PKHD1L1: variants seen among roughly 807,000 people sequenced by gnomAD.
The protein encoded by PKHD1L1 is fibrocystin-L.
Under a neutral mutation model 462.9 loss-of-function variants are expected in PKHD1L1, and 434 were observed. The observed-to-expected ratio is 0.94, with a 90% confidence interval of 0.87 to 1.02. The LOEUF (loss-of-function observed/expected upper bound fraction) is 1.02, where lower values mean the gene tolerates loss of function less well. PKHD1L1 is among the 50% of genes least tolerant of loss of function. The probability of loss-of-function intolerance (pLI) is 0.00; values close to 1 mark genes in which losing one functional copy is unlikely to be tolerated. For missense variants in PKHD1L1, 5,202 were observed against 5,096.1 expected (o/e 1.02, Z -0.63); for synonymous variants, 1,781 against 1,750.0 (o/e 1.02, Z -0.44).
At chr8:109,430,174 T>G (rs909935540) in intron 27 of PKHD1L1, 137 bp downstream of exon 27, 3 of 482,818 alleles carry the variant, frequency 6.2e-6, no homozygotes, top group Non-Finnish European at 1.1e-5. Context: ...TTGTGAAAAT[T>G]AAAAACCCTA....
chr8:109,459,950 A>T (rs531969411), intron 47 of PKHD1L1, 114 bp downstream of exon 47: 1 of 841,540 alleles, frequency 1.2e-6, no homozygotes, highest in Non-Finnish European at 1.6e-6. Flanking sequence ...ATCATTAAAT[A>T]TAATTTAATG....
intron 65 of PKHD1L1, 25 bp from the exon 66 acceptor site, chr8:109,498,437 T>C: frequency 6.6e-7 from 1 of 1,522,852 alleles, no homozygotes; most frequent in East Asian, 2.3e-5. Flanking sequence ...ATTAATGCTA[T>C]ATTGTTTGGC....
chr8:109,476,719 A>G (rs1243745055), intron 52 of PKHD1L1, 52 bp downstream of exon 52: 5 of 1,488,522 alleles, frequency 3.4e-6, no homozygotes, highest in Non-Finnish European at 4.5e-6. Flanking sequence ...TGTCTAAAAG[A>G]TGAGAAAAAT....
At chr8:109,508,402 G>A in intron 70 of PKHD1L1, 138 bp downstream of exon 70, 1 of 856,706 alleles carries the variant, frequency 1.2e-6, no homozygotes, top group East Asian at 2.5e-5. Context: ...GTAACAATGA[G>A]CAATGCGCAG....
At chr8:109,424,861 C>A (rs990832991) in intron 23 of PKHD1L1, among the ~76,000 whole-genome samples, 2 of 152,052 alleles carry the variant, frequency 1.3e-5, no homozygotes, top group Admixed American at 6.6e-5. Flanking sequence ...TACTGCAGTT[C>A]CAGCTGATTG....
rs748293040 is a variant in PKHD1L1 at position 109,522,305 on chromosome 8, C to A, written c.12151C>A (p.Leu4051Ile). The A allele has an allele frequency of 4.4e-5, 70 of 1,606,044 alleles. No individual in the cohort carries two copies. Among genetic ancestry groups the A allele is most frequent in the Non-Finnish European group, 5.5e-5 (65 of 1,176,226 alleles). The change falls in exon 74 of 78, where the codon CTC becomes ATC. Residue 4051 changes from leucine (L) to isoleucine (I), a missense_variant. Around this residue, in one of 3 missense-constraint regions of PKHD1L1, gnomAD observed 698 missense variants for 736.3 expected, o/e 0.95. Coordinates refer to ENST00000378402, the MANE Select transcript of PKHD1L1 (RefSeq NM_177531.6). ...NISSMSITNPLPSPSDSGWIK... is the reference protein window; with the variant it reads ...NISSMSITNPIPSPSDSGWIK... ...TTCGTCCATGTCTATTACTAATCCC[C>A]TCCCCAGCCCAAGTGACTCTGGGTG...
chr8:109,420,038 G>A (rs62508105), intron 22 of PKHD1L1, among the ~76,000 whole-genome samples: 45,208 of 151,856 alleles, frequency 0.3, 7,311 homozygotes, highest in Admixed American at 0.43. Flanking sequence ...AAATATTGTC[G>A]TTCATTAAAT....
chr8:109,506,801 G>A (rs569866824), intron 68 of PKHD1L1, among the ~76,000 whole-genome samples: 2 of 152,136 alleles, frequency 1.3e-5, no homozygotes, highest in African/African-American at 4.8e-5. Flanking sequence ...GATCTGAGCT[G>A]TCCACTATTA....
chr8:109,372,868 G>A (rs1811588204), intron 2 of PKHD1L1, among the ~76,000 whole-genome samples: 1 of 152,136 alleles, frequency 6.6e-6, no homozygotes, highest in Admixed American at 6.6e-5. Context: ...CTTGATCATG[G>A]TGGATAAGCT....
intron 42 of PKHD1L1, among the ~76,000 whole-genome samples, chr8:109,452,482 T>C (rs1816584434): frequency 6.6e-6 from 1 of 151,938 alleles, no homozygotes; most frequent in South Asian, 2.1e-4. Flanking sequence ...TTCTGAGTTG[T>C]GGGGTAATTG....
chr8:109,436,253 A>G lies in PKHD1L1; in HGVS notation c.3506-85A>G, dbSNP rs946645802. ...TGGATCATTAGACTATTCTCAAAAG[A>G]CAATTCTCAAAAAATGTTACTAACA... On this transcript the variant is annotated intron_variant, in intron 29 of 77. Coordinates refer to ENST00000378402, the MANE Select transcript of PKHD1L1 (RefSeq NM_177531.6). The G allele has an allele frequency of 2.7e-5, 38 of 1,400,426 alleles. 2 individuals are homozygous for G. In the East Asian group the frequency reaches 3.9e-4, roughly 15 times the overall value. The allele number at this position is 1,400,426 out of a possible 1,614,324, so 86.7% of individuals were successfully genotyped here. A position where few individuals can be genotyped will look rare whatever the true frequency, so the allele number is the denominator to read the frequency against.
intron 16 of PKHD1L1, 75 bp downstream of exon 16, chr8:109,405,205 A>G: frequency 1.1e-6 from 1 of 893,092 alleles, no homozygotes; most frequent in South Asian, 3.0e-5. Context: ...TGCTGTAGTC[A>G]AATTACACTG....
chr8:109,438,484 A>G (rs1410490385), intron 31 of PKHD1L1, 28 bp downstream of exon 31: 23 of 1,518,718 alleles, frequency 1.5e-5, no homozygotes, highest in East Asian at 2.5e-5. Flanking sequence ...AAGATTGGTC[A>G]TTTGTCCTAT....
chr8:109,394,295 C>T (rs1394803279), intron 9 of PKHD1L1, 120 bp from the exon 10 acceptor site: 3 of 519,834 alleles, frequency 5.8e-6, no homozygotes, highest in Admixed American at 3.4e-5. Context: ...TTCTTATCTT[C>T]TCCCAAAAGT....
At chr8:109,375,634 A>G (rs1811777105) in intron 2 of PKHD1L1, among the ~76,000 whole-genome samples, 2 of 151,938 alleles carry the variant, frequency 1.3e-5, no homozygotes, top group Non-Finnish European at 2.9e-5. Context: ...TTGTGGTTTT[A>G]TCTACCTTTG....
intron 69 of PKHD1L1, 57 bp downstream of exon 69, chr8:109,507,952 G>A (rs1819779140): frequency 1.3e-6 from 2 of 1,568,662 alleles, no homozygotes; most frequent in East Asian, 4.5e-5. Flanking sequence ...AACAAAATAT[G>A]TTTTATTTTT....
chr8:109,430,191 A>G (rs1458181699), intron 27 of PKHD1L1, among the ~76,000 whole-genome samples, 154 bp downstream of exon 27: 5 of 152,234 alleles, frequency 3.3e-5, no homozygotes, highest in African/African-American at 4.8e-5. Flanking sequence ...CCTATCAGAG[A>G]AAAAAACTAT....
intron 55 of PKHD1L1, chr8:109,480,509 G>A (rs547847442): frequency 2.9e-4 from 126 of 438,878 alleles, no homozygotes; most frequent in South Asian, 1.5e-3. Context: ...AAAACAAACA[G>A]TATTTAAAAA....
intron 72 of PKHD1L1, among the ~76,000 whole-genome samples, chr8:109,516,117 A>G (rs970421764): frequency 2.0e-5 from 3 of 152,132 alleles, no homozygotes; most frequent in African/African-American, 4.8e-5. Context: ...ACAGCTCTAC[A>G]TGCTTTATAT....
Sources: allele counts gnomAD v4.1 joint callset (sites outside exome capture counted in the v4.1 genomes callset), GRCh38; gene constraint gnomAD v4.1.1; regional missense constraint gnomAD v4.1.1; transcripts MANE v1.5; gene names NCBI Gene and HGNC (gene_info 2026-07-23, HGNC 2026-07-21).